Variants in AQR observed in about 807,000 individuals in gnomAD.
The protein encoded by AQR is RNA helicase aquarius.
In AQR, 61 loss-of-function variants were observed where a neutral mutation model predicts 180.5. That is an observed-to-expected ratio of 0.34 (90% CI 0.28 to 0.42). AQR has a LOEUF of 0.42. Among genes scored for constraint, AQR ranks in the 10% least tolerant of loss-of-function variants. The probability of loss-of-function intolerance (pLI) is 1.00; values close to 1 mark genes in which losing one functional copy is unlikely to be tolerated. For synonymous variants in AQR, 551 were observed against 588.8 expected (o/e 0.94, Z 0.93); for missense variants, 1,281 against 1,798.3 (o/e 0.71, Z 5.20).
intron 12 of AQR, among the ~76,000 whole-genome samples, chr15:34,928,709 T>C (rs1893804204): frequency 1.3e-5 from 2 of 152,216 alleles, no homozygotes; most frequent in African/African-American, 4.8e-5. Flanking sequence ...TACCCAGTAA[T>C]GGGATTGCTG....
At chr15:34,896,842 T>TC in intron 22 of AQR, 55 bp downstream of exon 22, 1 of 1,499,758 alleles carries the variant, frequency 6.7e-7, no homozygotes, top group Non-Finnish European at 9.3e-7. Context: ...AAAGTGAAAC[T>TC]CCATCTCAGA....
Position 34,916,144 on chromosome 15 carries a change from T to C in AQR, c.1343-965A>G, listed in dbSNP as rs76089056. ...TTTGGCAAAATACTGAAGTGAATAATGTTACCATAAATTTAGCCCATGACA... is the reference window on the plus strand; with the variant it reads ...TTTGGCAAAATACTGAAGTGAATAACGTTACCATAAATTTAGCCCATGACA... On this transcript the variant is annotated intron_variant, in intron 15 of 34. Transcript: ENST00000156471. 7.0e-3 allele frequency among the ~76,000 whole-genome samples: 1,064 copies of C among 152,344 alleles called. 10 individuals carry two copies. The highest frequency in any genetic ancestry group is 0.023 in the African/African-American group (941 of 41,584).
At chr15:34,940,636 A>G (rs1420847319) in intron 8 of AQR, among the ~76,000 whole-genome samples, 4 of 152,238 alleles carry the variant, frequency 2.6e-5, no homozygotes, top group Admixed American at 2.6e-4. Context: ...GGAGACGGAC[A>G]ATAGGCAGGG....
chr15:34,934,271 G>A (rs1026285518), intron 10 of AQR, among the ~76,000 whole-genome samples: 1 of 146,898 alleles, frequency 6.8e-6, no homozygotes, highest in African/African-American at 2.5e-5. Flanking sequence ...AATAAATATT[G>A]TATACAATAC....
At chr15:34,911,836 T>C (rs918638674) in intron 16 of AQR, among the ~76,000 whole-genome samples, 4 of 152,196 alleles carry the variant, frequency 2.6e-5, no homozygotes, top group African/African-American at 9.6e-5. Context: ...TTCTCCATGC[T>C]TTTGGTATCA....
At chr15:34,865,706 C>T (rs956317557) in intron 32 of AQR, among the ~76,000 whole-genome samples, 2 of 152,242 alleles carry the variant, frequency 1.3e-5, no homozygotes, top group African/African-American at 2.4e-5. Flanking sequence ...CATAGCCACA[C>T]AATGGAATAC....
chr15:34,923,075 TAGAATA>T (rs1362947950), intron 13 of AQR, among the ~76,000 whole-genome samples: 1 of 152,212 alleles, frequency 6.6e-6, no homozygotes, highest in East Asian at 1.9e-4. Context: ...TTAAGTATAG[TAGAATA>T]AGATATCTTG....
intron 19 of AQR, among the ~76,000 whole-genome samples, chr15:34,903,366 T>C (rs1042700586): frequency 7.2e-4 from 109 of 152,212 alleles, no homozygotes; most frequent in African/African-American, 2.4e-3. Context: ...CAAGGTATAC[T>C]TCACATTTTA....
chr15:34,918,184 T>A (rs1421952571), intron 15 of AQR, 74 bp downstream of exon 15: 3 of 1,525,542 alleles, frequency 2.0e-6, no homozygotes, highest in African/African-American at 2.8e-5. Context: ...GTACACTGCC[T>A]ATAATTGCCA....
chr15:34,967,908 G>C (rs995426474), intron 1 of AQR, among the ~76,000 whole-genome samples: 2 of 152,062 alleles, frequency 1.3e-5, no homozygotes, highest in Non-Finnish European at 2.9e-5. Flanking sequence ...CCGCCTCCCG[G>C]GTTCAAGCAA....
chr15:34,953,935 G>T (rs1894269357), intron 3 of AQR, among the ~76,000 whole-genome samples: 1 of 152,104 alleles, frequency 6.6e-6, no homozygotes, highest in Non-Finnish European at 1.5e-5. Flanking sequence ...TTTTTACTGA[G>T]ACAGAGTCTT....
rs999892425 is a variant in AQR, at chr15:34,862,874, G to A, written c.4022C>T (p.Thr1341Ile). 2 of 1,613,356 alleles carry A rather than the reference G, an allele frequency of 1.2e-6. No homozygotes were observed. The highest frequency in any genetic ancestry group is 2.7e-5 in the African/African-American group (2 of 74,884). The change falls in exon 33 of 35, where the codon ACT becomes ATT. Residue 1341 changes from threonine (T) to isoleucine (I), a missense_variant. Transcript: ENST00000156471. Reference protein sequence around the residue: ...HIIPTEPFPTTRKNGERPSHE... With the variant: ...HIIPTEPFPTIRKNGERPSHE... ...TGAAGAAAGAAGTCCTACCTTTCTA[G>A]TAGTTGGGAAAGGTTCTGTTGGAAT...
At chr15:34,898,441 T>C (rs1232591139) in intron 20 of AQR, among the ~76,000 whole-genome samples, 2 of 152,146 alleles carry the variant, frequency 1.3e-5, no homozygotes, top group East Asian at 3.9e-4. Context: ...TGGTAAGAAA[T>C]AGGAGCATAT....
At chr15:34,963,661 C>CTTTTTTTTTTT in intron 2 of AQR, among the ~76,000 whole-genome samples, 1 of 148,600 alleles carries the variant, frequency 6.7e-6, no homozygotes, top group Non-Finnish European at 1.5e-5. Flanking sequence ...TACACGTACA[C>CTTTTTTTTTTT]TTTTTTTTTT....
chr15:34,960,920 G>A, intron 2 of AQR, 106 bp from the exon 3 acceptor site: 1 of 447,934 alleles, frequency 2.2e-6, no homozygotes. Flanking sequence ...GTTTAGGAAA[G>A]CCATCAAATA....
At chr15:34,931,441 A>G (rs1430012982) in intron 11 of AQR, among the ~76,000 whole-genome samples, 1 of 152,206 alleles carries the variant, frequency 6.6e-6, no homozygotes, top group Non-Finnish European at 1.5e-5. Context: ...AACAAAGGGG[A>G]TATGTAAACA....
intron 5 of AQR, 199 bp downstream of exon 5, chr15:34,948,065 T>G: frequency 2.0e-6 from 1 of 500,026 alleles, no homozygotes; most frequent in Non-Finnish European, 3.3e-6. Flanking sequence ...CAATTCATAG[T>G]AAATTATTAA....
chr15:34,859,409 G>T (rs1437086442), intron 34 of AQR, among the ~76,000 whole-genome samples: 1 of 152,206 alleles, frequency 6.6e-6, no homozygotes, highest in African/African-American at 2.4e-5. Context: ...AAGTGAGGGT[G>T]AGGATGTGTA....
At chr15:34,928,613 T>G (rs1207099462) in intron 12 of AQR, among the ~76,000 whole-genome samples, 1 of 152,144 alleles carries the variant, frequency 6.6e-6, no homozygotes, top group East Asian at 1.9e-4. Flanking sequence ...GTTGGTTCCA[T>G]GTCTTTAATA....
Sources: gnomAD v4.1 joint callset for allele counts (sites outside exome capture counted in the v4.1 genomes callset) on GRCh38, gnomAD v4.1.1 for gene constraint, MANE v1.5 for transcripts, NCBI Gene and HGNC (gene_info 2026-07-23, HGNC 2026-07-21) for gene names.